LRFN2: variants seen among roughly 807,000 people sequenced by gnomAD.
The protein encoded by LRFN2 is leucine-rich repeat and fibronectin type-III domain-containing protein 2.
A neutral mutation model predicts 37.3 loss-of-function variants in LRFN2; 18 were observed. That is an observed-to-expected ratio of 0.48 (90% CI 0.33 to 0.72). The LOEUF is 0.72. Ranked by LOEUF, LRFN2 falls within the 30% of genes least tolerant of loss-of-function variation. The pLI, the probability that LRFN2 is intolerant of heterozygous loss-of-function variation, is 0.02. For missense variants in LRFN2, 1,006 were observed against 1,060.7 expected (o/e 0.95, Z 0.72); for synonymous variants, 556 against 466.6 (o/e 1.19, Z -2.47).
intron 1 of LRFN2, among the ~76,000 whole-genome samples, chr6:40,566,128 G>T (rs1767085929): frequency 6.6e-6 from 1 of 152,152 alleles, no homozygotes; most frequent in Non-Finnish European, 1.5e-5. Context: ...AAAAACACAT[G>T]AAAAAATGCT....
intron 1 of LRFN2, among the ~76,000 whole-genome samples, chr6:40,565,351 C>A (rs1479071796): frequency 1.3e-5 from 2 of 152,126 alleles, no homozygotes; most frequent in African/African-American, 2.4e-5. Flanking sequence ...ATCAAGCTAC[C>A]AATGACTTTC....
At chr6:40,395,903 T>C (rs2916255) in intron 2 of LRFN2, among the ~76,000 whole-genome samples, 146,201 of 152,252 alleles carry the variant, frequency 0.96, 70,451 homozygotes, top group Non-Finnish European at 1. Flanking sequence ...TGGATGGACA[T>C]CCTTGTTTAC....
chr6:40,453,919 C>G (rs1014767129), intron 1 of LRFN2, among the ~76,000 whole-genome samples: 3 of 152,140 alleles, frequency 2.0e-5, no homozygotes, highest in African/African-American at 7.2e-5. Context: ...CACCAGCTAG[C>G]CTCTCCCTGT....
intron 1 of LRFN2, among the ~76,000 whole-genome samples, chr6:40,577,610 A>C (rs1162936499): frequency 9.9e-6 from 1 of 101,518 alleles, no homozygotes; most frequent in Non-Finnish European, 1.9e-5. Context: ...CAGTCCCCGG[A>C]GTGTGATATT....
intron 1 of LRFN2, among the ~76,000 whole-genome samples, chr6:40,541,699 CA>C (rs1158497705): frequency 5.9e-5 from 9 of 152,160 alleles, no homozygotes; most frequent in African/African-American, 2.2e-4. Context: ...ATGCCGACCA[CA>C]GGTGTAGGTA....
chr6:40,574,757 A>G (rs988856660), intron 1 of LRFN2, among the ~76,000 whole-genome samples: 1 of 152,182 alleles, frequency 6.6e-6, no homozygotes, highest in African/African-American at 2.4e-5. Flanking sequence ...AGAAGTGGGC[A>G]GAGAGCAAGC....
chr6:40,510,984 A>G (rs1439865895), intron 1 of LRFN2, among the ~76,000 whole-genome samples: 4 of 152,188 alleles, frequency 2.6e-5, no homozygotes, highest in East Asian at 1.9e-4. Context: ...GCAAGAAGAA[A>G]GGATAGAGCC....
chr6:40,535,611 A>T (rs951994343), intron 1 of LRFN2, among the ~76,000 whole-genome samples: 3 of 152,090 alleles, frequency 2.0e-5, no homozygotes, highest in African/African-American at 7.2e-5. Context: ...CGGGGGTGGG[A>T]CTATGAGCCA....
At chr6:40,425,511 T>C (rs929736350) in intron 2 of LRFN2, among the ~76,000 whole-genome samples, 1 of 152,164 alleles carries the variant, frequency 6.6e-6, no homozygotes. Context: ...GAACTGTTGC[T>C]CCCTCCAGGG....
At chr6:40,526,060 G>A (rs1172723301) in intron 1 of LRFN2, among the ~76,000 whole-genome samples, 1 of 152,182 alleles carries the variant, frequency 6.6e-6, no homozygotes, top group African/African-American at 2.4e-5. Flanking sequence ...GTGTTTTCTC[G>A]GCTATGTGCA....
At chr6:40,469,601 C>T (rs73430979) in intron 1 of LRFN2, among the ~76,000 whole-genome samples, 2,500 of 152,250 alleles carry the variant, frequency 0.016, 74 homozygotes, top group African/African-American at 0.057. Flanking sequence ...GCTCTCCTTC[C>T]CTCTGGCTCT....
intron 1 of LRFN2, among the ~76,000 whole-genome samples, chr6:40,541,727 G>A (rs1005129842): frequency 6.6e-6 from 1 of 152,164 alleles, no homozygotes; most frequent in East Asian, 1.9e-4. Context: ...CACAGCTGCC[G>A]CCCGTGGGAA....
rs75121130 is a variant in LRFN2 at position 40,413,334 on chromosome 6, C to T, written c.1400+18380G>A. Reference sequence around the variant, plus strand: ...CACACCAGGGAATCCCGTGACTGTCCGAGATTCACAGTGTCATCCTCCAGC... The same window carrying T: ...CACACCAGGGAATCCCGTGACTGTCTGAGATTCACAGTGTCATCCTCCAGC... On this transcript the variant is annotated intron_variant, in intron 2 of 2. Coordinates refer to ENST00000338305, the MANE Select transcript of LRFN2 (RefSeq NM_020737.3). 2.5e-3 allele frequency among the ~76,000 whole-genome samples: 387 copies of T among 152,318 alleles called. 1 individual carries two copies. The highest frequency in any genetic ancestry group is 6.7e-3 in the Admixed American group (102 of 15,308).
At chr6:40,451,138 T>C (rs1764094661) in intron 1 of LRFN2, among the ~76,000 whole-genome samples, 1 of 152,172 alleles carries the variant, frequency 6.6e-6, no homozygotes, top group African/African-American at 2.4e-5. Context: ...CCTTAATCCA[T>C]GGGGGGATTT....
At chr6:40,426,001 T>G (rs1010199732) in intron 2 of LRFN2, among the ~76,000 whole-genome samples, 2 of 152,116 alleles carry the variant, frequency 1.3e-5, no homozygotes, top group African/African-American at 4.8e-5. Flanking sequence ...TCGAGGTGGG[T>G]CACTGGTGAC....
At chr6:40,521,732 C>T (rs1479412945) in intron 1 of LRFN2, among the ~76,000 whole-genome samples, 1 of 152,102 alleles carries the variant, frequency 6.6e-6, no homozygotes. Context: ...GCAATGTCAC[C>T]TTGACCCACC....
At chr6:40,517,849 C>T (rs1020712568) in intron 1 of LRFN2, among the ~76,000 whole-genome samples, 3 of 152,080 alleles carry the variant, frequency 2.0e-5, no homozygotes, top group Admixed American at 1.3e-4. Flanking sequence ...TCCATTAGTA[C>T]GGACAATTTG....
intron 1 of LRFN2, among the ~76,000 whole-genome samples, chr6:40,532,817 C>A (rs1766371414): frequency 6.6e-6 from 1 of 152,226 alleles, no homozygotes; most frequent in Non-Finnish European, 1.5e-5. Flanking sequence ...GGAACCCTGT[C>A]AATTTTGTAC....
chr6:40,476,049 T>A (rs1764703189), intron 1 of LRFN2, among the ~76,000 whole-genome samples: 1 of 152,194 alleles, frequency 6.6e-6, no homozygotes, highest in Non-Finnish European at 1.5e-5. Flanking sequence ...CAGGCTAGAT[T>A]GTGTCTGATG....
Sources: gnomAD v4.1 joint callset for allele counts (sites outside exome capture counted in the v4.1 genomes callset) on GRCh38, gnomAD v4.1.1 for gene constraint, MANE v1.5 for transcripts, NCBI Gene and HGNC (gene_info 2026-07-23, HGNC 2026-07-21) for gene names.